The following ERGIC1 variants were observed in gnomAD, a reference collection of about 807,000 sequenced individuals.
ERGIC1 encodes the protein endoplasmic reticulum-Golgi intermediate compartment protein 1.
In ERGIC1, 19 loss-of-function variants were observed where a neutral mutation model predicts 38.3. The observed-to-expected ratio is 0.50, with a 90% confidence interval of 0.35 to 0.73. ERGIC1 has a LOEUF of 0.73. Among genes scored for constraint, ERGIC1 ranks in the 30% least tolerant of loss-of-function variants. The probability of loss-of-function intolerance (pLI) is 0.01; values close to 1 mark genes in which losing one functional copy is unlikely to be tolerated. For missense variants in ERGIC1, 294 were observed against 389.2 expected (o/e 0.76, Z 2.06); for synonymous variants, 124 against 157.6 (o/e 0.79, Z 1.60).
In ERGIC1 at chr5:172,952,409, G is replaced by A. The variant is rs1217971386; in HGVS notation, c.*1593G>A. On this transcript the variant is annotated 3_prime_UTR_variant, in exon 10 of 10. Transcript: ENST00000393784. ...TTCTGTTCCCCAGTTACAGGAAGGAGTCCCTTTGGTGTGTGAATATGTGTG... is the reference window on the plus strand; with the variant it reads ...TTCTGTTCCCCAGTTACAGGAAGGAATCCCTTTGGTGTGTGAATATGTGTG... The A allele has an allele frequency of 2.3e-5, 3 of 132,182 alleles. No homozygotes were observed. The highest frequency in any genetic ancestry group is 1.6e-5 in the Non-Finnish European group (1 of 64,308). 8.2% of individuals were successfully genotyped at this position (132,182 alleles called of 1,614,324 possible).
chr5:172,894,835 C>T (rs558600511), intron 2 of ERGIC1, among the ~76,000 whole-genome samples: 3 of 152,362 alleles, frequency 2.0e-5, no homozygotes, highest in East Asian at 3.9e-4. Context: ...AAGTGCCCAG[C>T]AAACACTCTC....
At chr5:172,945,713 C>G (rs1197973056) in intron 9 of ERGIC1, among the ~76,000 whole-genome samples, 1 of 152,154 alleles carries the variant, frequency 6.6e-6, no homozygotes. Flanking sequence ...GCAACAGAGT[C>G]TTGCTCTGTG....
rs1761286168 is a variant in ERGIC1, at chr5:172,846,578, G to A, written c.20+12145G>A. On this transcript the variant is annotated intron_variant, in intron 1 of 9. Coordinates refer to ENST00000393784, the MANE Select transcript of ERGIC1 (RefSeq NM_001031711.3). The surrounding 1 kb of genome is among the most constrained non-coding windows in gnomAD (Gnocchi z 4.0). Reference sequence around the variant, plus strand: ...AGCTGATCTGGGTCCCCACTCCACAGTCTTTGGATTATGCCCTGTGCCCTT... The same window carrying A: ...AGCTGATCTGGGTCCCCACTCCACAATCTTTGGATTATGCCCTGTGCCCTT... Among the ~76,000 whole-genome samples the A allele has an allele frequency of 6.6e-6, 1 of 152,202 alleles. No individual in the cohort carries two copies. Among genetic ancestry groups the A allele is most frequent in the Non-Finnish European group, 1.5e-5 (1 of 68,030 alleles).
intron 1 of ERGIC1, among the ~76,000 whole-genome samples, chr5:172,853,438 C>T (rs1761463585): frequency 6.6e-6 from 1 of 152,226 alleles, no homozygotes; most frequent in Non-Finnish European, 1.5e-5. Flanking sequence ...AGGTACCTCT[C>T]AGCTGTTTTC....
chr5:172,886,449 T>C (rs972540617), intron 1 of ERGIC1, among the ~76,000 whole-genome samples: 3 of 152,044 alleles, frequency 2.0e-5, no homozygotes, highest in African/African-American at 7.2e-5. Context: ...CAGCACCTCG[T>C]GATGAGGATG....
At chr5:172,844,038 T>G (rs1260162121) in intron 1 of ERGIC1, among the ~76,000 whole-genome samples, 1 of 152,214 alleles carries the variant, frequency 6.6e-6, no homozygotes, top group Non-Finnish European at 1.5e-5. Context: ...GTGGGTCTTC[T>G]GGTAGGTGGA....
At chr5:172,893,292 C>T (rs1016281479) in intron 2 of ERGIC1, among the ~76,000 whole-genome samples, 12 of 152,220 alleles carry the variant, frequency 7.9e-5, no homozygotes, top group Middle Eastern at 6.8e-3. Flanking sequence ...GGATTACAGG[C>T]GCCTGCCACC....
chr5:172,861,011 G>A (rs547087171), intron 1 of ERGIC1, among the ~76,000 whole-genome samples: 1 of 152,230 alleles, frequency 6.6e-6, no homozygotes, highest in African/African-American at 2.4e-5. Context: ...ACCCTCCTGG[G>A]CACTCTGCGC....
chr5:172,880,237 A>G (rs1353795723), intron 1 of ERGIC1, among the ~76,000 whole-genome samples: 3 of 152,024 alleles, frequency 2.0e-5, no homozygotes, highest in Non-Finnish European at 4.4e-5. Context: ...GGGTTTTGCC[A>G]TGTTGGCTAG....
At chr5:172,869,962 G>A (rs111545050) in intron 1 of ERGIC1, among the ~76,000 whole-genome samples, 2 of 152,174 alleles carry the variant, frequency 1.3e-5, no homozygotes, top group African/African-American at 2.4e-5. Context: ...TTACCAGCCT[G>A]GCAGCCACTA....
chr5:172,842,087 C>G (rs1172386447), intron 1 of ERGIC1, among the ~76,000 whole-genome samples: 1 of 152,302 alleles, frequency 6.6e-6, no homozygotes, highest in South Asian at 2.1e-4. Flanking sequence ...CTTCTTGTTG[C>G]TCAGGCTGGA....
At chr5:172,838,972 G>T (rs1202491941) in intron 1 of ERGIC1, among the ~76,000 whole-genome samples, 2 of 152,148 alleles carry the variant, frequency 1.3e-5, no homozygotes, top group African/African-American at 4.8e-5. Flanking sequence ...TGAGCGCTGT[G>T]GCTCATGCCT....
Position 172,932,505 on chromosome 5 carries a change from G to A in ERGIC1, c.611G>A (p.Arg204Gln). 6.2e-7 allele frequency: 1 copy of A among 1,614,158 alleles called. No individual in the cohort carries two copies. The highest frequency in any genetic ancestry group is 8.5e-7 in the Non-Finnish European group (1 of 1,180,018). ...TVYEDKSGKQRYSYQYTVANK... is the reference protein window; with the variant it reads ...TVYEDKSGKQQYSYQYTVANK... The stretch of plus-strand genomic sequence containing the variant: ...TATGAGGACAAGAGTGGCAAGCAGC[G>A]GTACTCCTACCAGTACACGGTGGCC... Residue 204 changes from arginine (R) to glutamine (Q), a missense_variant, in exon 8 of 10, where the codon CGG becomes CAG. Physicochemically the swap from Arg to Gln is conservative, Grantham distance 43 (BLOSUM62 1). This residue lies in a region of ERGIC1 where 109 missense variants were observed against 112.7 expected (regional missense o/e 0.97). Coordinates refer to ENST00000393784, the MANE Select transcript of ERGIC1 (RefSeq NM_001031711.3).
intron 5 of ERGIC1, among the ~76,000 whole-genome samples, chr5:172,921,181 C>T (rs1763508677): frequency 6.6e-6 from 1 of 152,264 alleles, no homozygotes; most frequent in Non-Finnish European, 1.5e-5. Context: ...GAAACTGAGG[C>T]ATGGAGTGGT....
At chr5:172,946,910 T>C (rs966130625) in intron 9 of ERGIC1, among the ~76,000 whole-genome samples, 1 of 151,036 alleles carries the variant, frequency 6.6e-6, no homozygotes, top group African/African-American at 2.4e-5. Context: ...GGGCCAGGCA[T>C]GGTGGCTCAC....
intron 3 of ERGIC1, chr5:172,905,547 C>T (rs1054639272): frequency 6.7e-5 from 29 of 432,520 alleles, no homozygotes; most frequent in Non-Finnish European, 1.3e-4. Flanking sequence ...TAGTGTGCAG[C>T]TCATTTAGGA....
chr5:172,909,901 G>T (rs1763164550), intron 4 of ERGIC1, 140 bp downstream of exon 4: 7 of 739,062 alleles, frequency 9.5e-6, no homozygotes, highest in Non-Finnish European at 1.7e-5. Flanking sequence ...GAATATAATT[G>T]CGTATGCATG....
At chr5:172,869,292 C>T (rs150889123) in intron 1 of ERGIC1, among the ~76,000 whole-genome samples, 1 of 152,220 alleles carries the variant, frequency 6.6e-6, no homozygotes, top group Non-Finnish European at 1.5e-5. Context: ...CTCACCCCTG[C>T]CAGGGAATTG....
chr5:172,840,099 C>A (rs1296299532), intron 1 of ERGIC1, among the ~76,000 whole-genome samples: 1 of 152,182 alleles, frequency 6.6e-6, no homozygotes, highest in African/African-American at 2.4e-5. Context: ...CTGAAATGGT[C>A]TTTAAAGACC....
Sources: gnomAD v4.1 joint callset for allele counts (sites outside exome capture counted in the v4.1 genomes callset) on GRCh38, gnomAD v4.1.1 for gene constraint, gnomAD v4.1.1 regional missense constraint, Gnocchi (gnomAD v3.1) non-coding constraint, MANE v1.5 for transcripts, NCBI Gene and HGNC (gene_info 2026-07-23, HGNC 2026-07-21) for gene names.